SLC30A8: variants seen among roughly 807,000 people sequenced by gnomAD.
SLC30A8 encodes solute carrier family 30 member 8, also known as proton-coupled zinc antiporter SLC30A8.
Under a neutral mutation model 36.9 loss-of-function variants are expected in SLC30A8, and 27 were observed. The ratio of observed to expected loss-of-function variants is 0.73; its 90% confidence interval spans 0.54 to 1.01. SLC30A8 has a LOEUF of 1.01. SLC30A8 is among the 50% of genes least tolerant of loss of function. The pLI is 0.00. For missense variants in SLC30A8, 439 were observed against 452.0 expected (o/e 0.97, Z 0.26); for synonymous variants, 164 against 172.4 (o/e 0.95, Z 0.38).
intron 2 of SLC30A8, among the ~76,000 whole-genome samples, chr8:117,117,157 C>G (rs924862037): frequency 6.6e-6 from 1 of 151,940 alleles, no homozygotes; most frequent in Admixed American, 6.6e-5. Context: ...CTGAATAATG[C>G]AAAACCACTA....
chr8:117,141,449 T>C (rs1444535886), intron 1 of SLC30A8, among the ~76,000 whole-genome samples: 1 of 152,140 alleles, frequency 6.6e-6, no homozygotes, highest in Non-Finnish European at 1.5e-5. Context: ...AGAAAACGAA[T>C]GGACAAAATT....
At chr8:117,042,033 TTA>T (rs1460450360) in intron 2 of SLC30A8, among the ~76,000 whole-genome samples, 2 of 152,358 alleles carry the variant, frequency 1.3e-5, no homozygotes, top group Admixed American at 6.5e-5. Context: ...CTAATTATCT[TTA>T]GTTTCACTCC....
intron 1 of SLC30A8, among the ~76,000 whole-genome samples, chr8:117,022,574 A>G (rs924098491): frequency 1.6e-4 from 25 of 152,228 alleles, no homozygotes; most frequent in Non-Finnish European, 2.9e-4. Flanking sequence ...ATAATGCTGC[A>G]TATCTACAAC....
chr8:116,988,321 T>C (rs776922159), intron 1 of SLC30A8, among the ~76,000 whole-genome samples: 2 of 152,228 alleles, frequency 1.3e-5, no homozygotes, highest in Non-Finnish European at 2.9e-5. Context: ...TACTGCATAG[T>C]CAACTGATAC....
chr8:116,984,930 C>T (rs1416964348), intron 1 of SLC30A8, among the ~76,000 whole-genome samples: 4 of 151,658 alleles, frequency 2.6e-5, no homozygotes, highest in East Asian at 1.9e-4. Context: ...CCTTTTCTGG[C>T]GTTAGAAAGT....
intron 1 of SLC30A8, among the ~76,000 whole-genome samples, chr8:117,016,931 C>A (rs894240834): frequency 6.6e-6 from 1 of 151,902 alleles, no homozygotes; most frequent in Admixed American, 6.6e-5. Flanking sequence ...CTAGCATGCT[C>A]ACAACAAGAT....
intron 1 of SLC30A8, among the ~76,000 whole-genome samples, chr8:116,970,742 GA>G (rs1482690284): frequency 6.6e-6 from 1 of 152,134 alleles, no homozygotes; most frequent in African/African-American, 2.4e-5. Flanking sequence ...AAATCACTTA[GA>G]ACAAAGGCTG....
intron 1 of SLC30A8, among the ~76,000 whole-genome samples, chr8:117,001,311 T>C (rs1003413571): frequency 4.1e-5 from 6 of 147,072 alleles, no homozygotes; most frequent in Admixed American, 2.9e-4. Context: ...ACAAGGGGCA[T>C]CTTTTATGAA....
At position 116,958,986 on chromosome 8, in the gene SLC30A8, A is replaced by G. The variant is rs544866677; in HGVS notation, c.-266+7867A>G. Among the ~76,000 whole-genome samples the G allele has an allele frequency of 6.7e-5, 10 of 150,032 alleles. No individual in the cohort carries two copies. The East Asian group carries it at 2.0e-3, about 30-fold the overall frequency. ...TGCCTCAGCCTCCCGAGTAGCTGGGACTACAGGCGCCTGCCACCATGCCCA... is the reference window on the plus strand; with the variant it reads ...TGCCTCAGCCTCCCGAGTAGCTGGGGCTACAGGCGCCTGCCACCATGCCCA... On this transcript the variant is annotated intron_variant, in intron 1 of 10. Coordinates refer to the SLC30A8 transcript ENST00000427715.
intron 2 of SLC30A8, among the ~76,000 whole-genome samples, chr8:117,129,141 G>C (rs911395452): frequency 6.6e-6 from 1 of 151,982 alleles, no homozygotes; most frequent in African/African-American, 2.4e-5. Flanking sequence ...TCAGTTAGTA[G>C]CTAATGACTA....
At chr8:116,969,589 AG>A (rs1814721706) in intron 1 of SLC30A8, among the ~76,000 whole-genome samples, 1 of 152,226 alleles carries the variant, frequency 6.6e-6, no homozygotes, top group Non-Finnish European at 1.5e-5. Context: ...CAGACCTCAT[AG>A]GGTGTACTTA....
chr8:117,040,716 G>T (rs1260557905), intron 2 of SLC30A8, among the ~76,000 whole-genome samples: 1 of 152,150 alleles, frequency 6.6e-6, no homozygotes, highest in Non-Finnish European at 1.5e-5. Flanking sequence ...GAAGGCAAGC[G>T]TAAGCACTGA....
At chr8:117,152,258 G>T (rs1175437321) in intron 2 of SLC30A8, among the ~76,000 whole-genome samples, 1 of 152,146 alleles carries the variant, frequency 6.6e-6, no homozygotes, top group Non-Finnish European at 1.5e-5. Flanking sequence ...GAGGCTGGAG[G>T]TCTTTTCTCA....
intron 1 of SLC30A8, among the ~76,000 whole-genome samples, chr8:117,141,402 T>C (rs940662181): frequency 2.6e-5 from 4 of 152,072 alleles, no homozygotes; most frequent in African/African-American, 9.7e-5. Flanking sequence ...ATTAATAGGA[T>C]ACAGAACAAA....
intron 2 of SLC30A8, among the ~76,000 whole-genome samples, chr8:117,041,583 G>A (rs927813698): frequency 6.6e-6 from 1 of 152,204 alleles, no homozygotes; most frequent in South Asian, 2.1e-4. Flanking sequence ...TCAGCTACTC[G>A]GGAGGCTGAG....
At chr8:117,023,798 C>T (rs1248086366) in intron 1 of SLC30A8, among the ~76,000 whole-genome samples, 4 of 151,714 alleles carry the variant, frequency 2.6e-5, no homozygotes, top group African/African-American at 7.3e-5. Flanking sequence ...TGCAGCACAC[C>T]AACATGGCAC....
At chr8:117,104,768 G>T (rs570662597) in intron 2 of SLC30A8, among the ~76,000 whole-genome samples, 2 of 152,258 alleles carry the variant, frequency 1.3e-5, no homozygotes, top group Non-Finnish European at 2.9e-5. Flanking sequence ...GCAGCCCAGA[G>T]AACTGTTGGT....
intron 2 of SLC30A8, among the ~76,000 whole-genome samples, chr8:117,052,603 T>C (rs952766836): frequency 6.6e-6 from 1 of 152,236 alleles, no homozygotes; most frequent in East Asian, 1.9e-4. Flanking sequence ...CAGAAAATTA[T>C]TTCACCAGTA....
chr8:117,061,725 A>C (rs1818028388), intron 2 of SLC30A8, among the ~76,000 whole-genome samples: 1 of 152,176 alleles, frequency 6.6e-6, no homozygotes, highest in African/African-American at 2.4e-5. Context: ...GGCAGACCTG[A>C]GTGTGTTTTC....
Sources: gnomAD v4.1 joint callset for allele counts (sites outside exome capture counted in the v4.1 genomes callset) on GRCh38, gnomAD v4.1.1 for gene constraint, MANE v1.5 for transcripts, NCBI Gene and HGNC (gene_info 2026-07-23, HGNC 2026-07-21) for gene names.